Variants in LOXHD1 observed in about 807,000 individuals in gnomAD.
LOXHD1 encodes the protein lipoxygenase homology PLAT domains 1.
In LOXHD1, 205 loss-of-function variants were observed where a neutral mutation model predicts 248.2. That is an observed-to-expected ratio of 0.83 (90% CI 0.74 to 0.93). The LOEUF (loss-of-function observed/expected upper bound fraction) is 0.93, where lower values mean the gene tolerates loss of function less well. Ranked by LOEUF, LOXHD1 falls within the 40% of genes least tolerant of loss-of-function variation. LOXHD1 has a pLI of 0.00. For synonymous variants in LOXHD1, 1,113 were observed against 1,162.8 expected (o/e 0.96, Z 0.87); for missense variants, 2,930 against 2,971.6 (o/e 0.99, Z 0.33).
chr18:46,648,027 C>T (rs1030262675), intron 2 of LOXHD1, among the ~76,000 whole-genome samples: 4 of 152,126 alleles, frequency 2.6e-5, no homozygotes, highest in Non-Finnish European at 5.9e-5. Flanking sequence ...GAGGCTGAAA[C>T]GGGCAGATCA....
At chr18:46,629,225 G>A (rs756888545) in intron 4 of LOXHD1, among the ~76,000 whole-genome samples, 3 of 152,194 alleles carry the variant, frequency 2.0e-5, no homozygotes, top group African/African-American at 4.8e-5. Flanking sequence ...TCTGCCCCAG[G>A]TCTCATTGCT....
intron 4 of LOXHD1, among the ~76,000 whole-genome samples, chr18:46,619,750 C>T (rs1015491497): frequency 4.6e-5 from 7 of 152,212 alleles, no homozygotes; most frequent in African/African-American, 1.7e-4. Flanking sequence ...ACACACAGCC[C>T]CTGAAAGTTG....
chr18:46,630,493 A>G (rs1395807233), intron 4 of LOXHD1, among the ~76,000 whole-genome samples: 2 of 152,212 alleles, frequency 1.3e-5, no homozygotes, highest in African/African-American at 4.8e-5. Flanking sequence ...TACCAGCCCA[A>G]GCTCCTTCAA....
intron 37 of LOXHD1, among the ~76,000 whole-genome samples, chr18:46,489,811 C>T (rs2033336791): frequency 6.6e-6 from 1 of 152,208 alleles, no homozygotes; most frequent in South Asian, 2.1e-4. Context: ...GTTTTCGTTT[C>T]TTGCATGCCT....
At chr18:46,547,963 T>C (rs916318858) in intron 21 of LOXHD1, among the ~76,000 whole-genome samples, 1 of 152,212 alleles carries the variant, frequency 6.6e-6, no homozygotes, top group Non-Finnish European at 1.5e-5. Flanking sequence ...TACCATAAAA[T>C]AAGCATAATA....
At chr18:46,559,043 T>C in intron 20 of LOXHD1, 1 of 833,572 alleles carries the variant, frequency 1.2e-6, no homozygotes, top group Non-Finnish European at 1.7e-6. Context: ...CATCTTCCAC[T>C]GTTGCCTTTA....
chr18:46,566,534 A>G (rs2037646245), intron 16 of LOXHD1, 85 bp from the exon 17 acceptor site: 1 of 1,181,034 alleles, frequency 8.5e-7, no homozygotes, highest in Admixed American at 2.0e-5. Flanking sequence ...AAACACCAGC[A>G]CAAAACACAA....
chr18:46,593,022 G>A (rs977195428), intron 10 of LOXHD1, among the ~76,000 whole-genome samples: 1 of 152,156 alleles, frequency 6.6e-6, no homozygotes, highest in Non-Finnish European at 1.5e-5. Context: ...TAGCAGAAAA[G>A]ATAAATATAT....
chr18:46,637,844 T>C (rs1395328505), intron 4 of LOXHD1, among the ~76,000 whole-genome samples: 1 of 152,172 alleles, frequency 6.6e-6, no homozygotes, highest in African/African-American at 2.4e-5. Flanking sequence ...AATTCAGAAA[T>C]GTCCCTCAAA....
rs2036161182 is a variant in LOXHD1 at position 46,533,342 on chromosome 18, A to G, written c.4213-18T>C. Reference sequence around the variant, plus strand: ...TCTGCACCCTGGGGTGAGGCAGAAAAAGGAAAATTAGCCCTTAATGTGAAA... The same window carrying G: ...TCTGCACCCTGGGGTGAGGCAGAAAGAGGAAAATTAGCCCTTAATGTGAAA... On this transcript the variant is annotated intron_variant, in intron 27 of 40. Coordinates refer to ENST00000642948, the MANE Select transcript of LOXHD1 (RefSeq NM_001384474.1). The G allele has an allele frequency of 1.3e-6, 2 of 1,550,936 alleles. No homozygotes were observed. The highest frequency in any genetic ancestry group is 1.7e-4 in the Middle Eastern group (1 of 5,976).
At chr18:46,528,031 T>C (rs2035900750) in intron 29 of LOXHD1, among the ~76,000 whole-genome samples, 1 of 152,170 alleles carries the variant, frequency 6.6e-6, no homozygotes, top group Admixed American at 6.5e-5. Context: ...CAGACCCACT[T>C]AGATGACACC....
intron 7 of LOXHD1, among the ~76,000 whole-genome samples, chr18:46,602,740 C>G (rs1188440157): frequency 6.6e-6 from 1 of 151,642 alleles, no homozygotes; most frequent in Non-Finnish European, 1.5e-5. Context: ...AGATTCCAGG[C>G]CTTTGGGAGT....
intron 20 of LOXHD1, chr18:46,558,162 A>T (rs903379898): frequency 3.1e-6 from 2 of 638,908 alleles, no homozygotes; most frequent in African/African-American, 2.0e-5. Context: ...GAAAGTTCAT[A>T]TGCCTTCATT....
intron 6 of LOXHD1, among the ~76,000 whole-genome samples, chr18:46,608,235 C>T (rs2038451892): frequency 6.6e-6 from 1 of 152,124 alleles, no homozygotes; most frequent in African/African-American, 2.4e-5. Flanking sequence ...GCCTCAATAT[C>T]AAATTTCAGA....
At chr18:46,539,494 A>C (rs2036465554) in intron 25 of LOXHD1, among the ~76,000 whole-genome samples, 1 of 152,118 alleles carries the variant, frequency 6.6e-6, no homozygotes, top group Non-Finnish European at 1.5e-5. Context: ...AACCTGCCTT[A>C]GTTTCTCTGC....
chr18:46,630,770 T>TTG (rs1442732373), intron 4 of LOXHD1, among the ~76,000 whole-genome samples: 3 of 150,092 alleles, frequency 2.0e-5, no homozygotes, highest in Non-Finnish European at 4.4e-5. Context: ...AAAGTGGGTA[T>TTG]GGGGGGGGGT....
Position 46,489,089 on chromosome 18 carries a change from C to T in LOXHD1, c.5932G>A (p.Asp1978Asn), listed in dbSNP as rs779595153. The T allele has an allele frequency of 8.4e-6, 13 of 1,551,562 alleles. No homozygotes were observed. The African/African-American group carries it at 1.5e-4, about 18-fold the overall frequency. ...SYVDVKDNSR[D>N]ETFHFQCDCW... Reference sequence around the variant, plus strand: ...TCACACTGGAAGTGGAAGGTCTCGTCGCGGGAGTTGTCCTTCACATCGACA... The same window carrying T: ...TCACACTGGAAGTGGAAGGTCTCGTTGCGGGAGTTGTCCTTCACATCGACA... The change falls in exon 38 of 41, where the codon GAC (aspartate) becomes AAC (asparagine). Residue 1978 changes from aspartate (D) to asparagine (N), a missense_variant. Physicochemically the swap from Asp to Asn is conservative, Grantham distance 23. Transcript: ENST00000642948.
In LOXHD1 at chr18:46,563,191, A is replaced by G; in HGVS notation, c.2472T>C (p.Asp824=). Residue 824 remains aspartate (D), a synonymous_variant, in exon 18 of 41, where the codon GAT becomes GAC. Coordinates refer to ENST00000642948, the MANE Select transcript of LOXHD1 (RefSeq NM_001384474.1). ...GGGCACTGGTGCCTGCGCCACCCACATCTCCTGTCCAAATCTCAACCTCAT... is the reference window on the plus strand; with the variant it reads ...GGGCACTGGTGCCTGCGCCACCCACGTCTCCTGTCCAAATCTCAACCTCAT... The part of the protein sequence containing the change: ...VHYEVEIWTG[D]VGGAGTSARV... The G allele has an allele frequency of 2.0e-6, 3 of 1,522,478 alleles. No homozygotes were observed. The highest frequency in any genetic ancestry group is 2.7e-6 in the Non-Finnish European group (3 of 1,122,972). The allele number at this position is 1,522,478 out of a possible 1,614,324, so 94.3% of individuals were successfully genotyped here.
chr18:46,549,831 A>G (rs2037010877), intron 21 of LOXHD1, among the ~76,000 whole-genome samples: 1 of 152,252 alleles, frequency 6.6e-6, no homozygotes, highest in Non-Finnish European at 1.5e-5. Context: ...CAATTAAAAC[A>G]TAAATCTTTG....
Sources: allele counts gnomAD v4.1 joint callset (sites outside exome capture counted in the v4.1 genomes callset), GRCh38; gene constraint gnomAD v4.1.1; transcripts MANE v1.5; gene names NCBI Gene and HGNC (gene_info 2026-07-23, HGNC 2026-07-21).